LLCFC1: variants seen among roughly 807,000 people sequenced by gnomAD.
LLCFC1 encodes sperm-oocyte fusion factor 1.
LLCFC1 carries 14 observed loss-of-function variants against 9.8 expected under a neutral mutation model. That is an observed-to-expected ratio of 1.43 (90% CI 0.95 to 2.24). LLCFC1 has a LOEUF of 2.24. Ranked by LOEUF, LLCFC1 falls within the 30% of genes most tolerant of loss-of-function variation. The pLI, the probability that LLCFC1 is intolerant of heterozygous loss-of-function variation, is 0.00. For missense variants in LLCFC1, 162 were observed against 148.0 expected, an observed-to-expected ratio of 1.09 and a Z score of -0.49; for synonymous variants, 70 against 58.8, an observed-to-expected ratio of 1.19 and a Z score of -0.87.
chr7:142,940,324 C>T (rs1796313425), intron 1 of LLCFC1, 28 bp from the exon 2 acceptor site: 1 of 1,583,058 alleles, frequency 6.3e-7, no homozygotes, highest in African/African-American at 1.3e-5. Context: ...GGTCAGGGCT[C>T]AGTCCTTGTC....
Position 142,940,832 on chromosome 7 carries a change from C to T in LLCFC1, c.*245C>T, listed in dbSNP as rs1796330329. 1.7e-6 allele frequency: 1 copy of T among 595,512 alleles called. No individual in the cohort carries two copies. The highest frequency in any genetic ancestry group is 2.1e-5 in the South Asian group (1 of 48,316). The allele number at this position is 595,512 out of a possible 1,614,324, so 36.9% of individuals were successfully genotyped here. A position where few individuals can be genotyped will look rare whatever the true frequency, so the allele number is the denominator to read the frequency against. The stretch of plus-strand genomic sequence containing the variant: ...AGGACAGCAGATTAGAGGCAGGAGG[C>T]AATGACAATAAAATAACGATAAAAT... On this transcript the variant is annotated 3_prime_UTR_variant, in exon 2 of 2. Transcript: ENST00000409607.
chr7:142,940,106 GGTGTGTGTGTGT>G (rs782240164), intron 1 of LLCFC1, among the ~76,000 whole-genome samples: 12,018 of 128,880 alleles, frequency 0.093, 614 homozygotes, highest in Middle Eastern at 0.18. Context: ...CCTTAGGAAT[GGTGTGTGTGTGT>G]GTGTGTGTGT....
At position 142,939,774 on chromosome 7, in the gene LLCFC1, G is replaced by A. The variant is rs6943031; in HGVS notation, c.133+20G>A. ...CTGCAGGTAGGTGGAAAAAAAGACA[G>A]GAGCCATACAGAGAAAACACCCTCT... On this transcript the variant is annotated intron_variant, in intron 1 of 1. Coordinates refer to ENST00000409607, the MANE Select transcript of LLCFC1 (RefSeq NM_001382496.1). 37,839 of 1,593,552 alleles carry A rather than the reference G, an allele frequency of 0.024. 828 individuals are homozygous for A. Among genetic ancestry groups the A allele is most frequent in the African/African-American group, 0.12 (8,581 of 73,528 alleles).
At chr7:142,940,295 C>T in intron 1 of LLCFC1, 57 bp from the exon 2 acceptor site, 1 of 1,416,672 alleles carries the variant, frequency 7.1e-7, no homozygotes, top group Non-Finnish European at 1.0e-6. Context: ...TCTAACTTCT[C>T]CTTTCTGGTT....
Position 142,939,556 on chromosome 7 carries a change from G to C in LLCFC1, c.-66G>C. On this transcript the variant is annotated 5_prime_UTR_variant, in exon 1 of 2. Transcript: ENST00000409607. ...AAGGGCCAGGACAGGAATGGGGCAG[G>C]AGGTGCACGGATCCTGCTGGGCACT... is the stretch of plus-strand genomic sequence containing the variant. 6.4e-7 allele frequency: 1 copy of C among 1,568,510 alleles called. No individual in the cohort carries two copies. Among genetic ancestry groups the C allele is most frequent in the Non-Finnish European group, 8.6e-7 (1 of 1,157,236 alleles).
intron 1 of LLCFC1, among the ~76,000 whole-genome samples, 186 bp downstream of exon 1, chr7:142,939,940 G>A (rs1586240402): frequency 6.6e-6 from 1 of 152,136 alleles, no homozygotes; most frequent in Admixed American, 6.5e-5. Flanking sequence ...GCCACTGATG[G>A]TTATCATGTG....
rs1796300318 is a variant in LLCFC1 at position 142,939,846 on chromosome 7, A to AG, written c.133+94dup. 3 of 1,353,808 alleles carry AG rather than the reference A, an allele frequency of 2.2e-6. No homozygotes were observed. In the East Asian group the frequency reaches 7.0e-5, roughly 32 times the overall value. 83.9% of individuals were successfully genotyped at this position (1,353,808 alleles called of 1,614,324 possible). ...CGGGAGAGTCTGGAGGCTCAGGGTG[A>AG]GGTCTGTGTGAGGCCAGGCCCCAGG... On this transcript the variant is annotated intron_variant, in intron 1 of 1. Transcript: ENST00000409607.
intron 1 of LLCFC1, among the ~76,000 whole-genome samples, 154 bp downstream of exon 1, chr7:142,939,908 T>C (rs1489610671): frequency 6.6e-6 from 1 of 152,164 alleles, no homozygotes; most frequent in East Asian, 1.9e-4. Context: ...GACATAGGTC[T>C]GGTTTATGGG....
In LLCFC1 at chr7:142,940,716, T is replaced by C. The variant is rs534153663; in HGVS notation, c.*129T>C. ...GATACCAGTTGCCATCAGTGCTAAC[T>C]GACTGCCTCTCCAGGTTCGGAGTTT... On this transcript the variant is annotated 3_prime_UTR_variant, in exon 2 of 2. Transcript: ENST00000409607. The C allele has an allele frequency of 1.3e-6, 1 of 788,810 alleles. No individual in the cohort carries two copies. The highest frequency in any genetic ancestry group is 2.0e-6 in the Non-Finnish European group (1 of 488,366). The allele number at this position is 788,810 out of a possible 1,614,324, so 48.9% of individuals were successfully genotyped here.
chr7:142,940,560 C>T lies in LLCFC1; in HGVS notation c.342C>T (p.Ile114=), dbSNP rs1796322138. 6.2e-7 allele frequency: 1 copy of T among 1,614,096 alleles called. No homozygotes were observed. Among genetic ancestry groups the T allele is most frequent in the Non-Finnish European group, 8.5e-7 (1 of 1,180,032 alleles). The change falls in exon 2 of 2, where the codon ATC becomes ATT. Residue 114 remains isoleucine, a synonymous_variant. Coordinates refer to ENST00000409607, the MANE Select transcript of LLCFC1 (RefSeq NM_001382496.1). ...CATTGAGGCGGACATTCCCAAATAT[C>T]CAACTCTGCTTCATGCTCACTCACT... ...GGPLRRTFPN[I]QLCFMLTH
rs1228108217 is a variant in LLCFC1 at position 142,939,547 on chromosome 7, ATGGGGCAGGAGGTGCACGGATCCTGC to A, written c.-70_-45del. ...GAAAGGGTTAAGGGCCAGGACAGGA[ATGGGGCAGGAGGTGCACGGATCCTGC>A]TGGGCACTGGGAGCAGGGGGCGGCC... On this transcript the variant is annotated 5_prime_UTR_variant, in exon 1 of 2. Coordinates refer to ENST00000409607, the MANE Select transcript of LLCFC1 (RefSeq NM_001382496.1). 6.4e-7 allele frequency: 1 copy of A among 1,552,170 alleles called. No homozygotes were observed.
At position 142,939,566 on chromosome 7, in the gene LLCFC1, G is replaced by A. The variant is rs1426623198; in HGVS notation, c.-56G>A. On this transcript the variant is annotated 5_prime_UTR_variant, in exon 1 of 2. Transcript: ENST00000409607. ...ACAGGAATGGGGCAGGAGGTGCACGGATCCTGCTGGGCACTGGGAGCAGGG... is the reference window on the plus strand; with the variant it reads ...ACAGGAATGGGGCAGGAGGTGCACGAATCCTGCTGGGCACTGGGAGCAGGG... The A allele has an allele frequency of 1.3e-6, 2 of 1,577,196 alleles. No homozygotes were observed. Among genetic ancestry groups the A allele is most frequent in the Non-Finnish European group, 1.7e-6 (2 of 1,161,454 alleles).
intron 1 of LLCFC1, 134 bp from the exon 2 acceptor site, chr7:142,940,218 C>G: frequency 1.5e-6 from 1 of 678,684 alleles, no homozygotes; most frequent in South Asian, 1.9e-5. Flanking sequence ...AGCATCCCCT[C>G]TCTGGTGAAG....
Position 142,940,427 on chromosome 7 carries a change from C to G in LLCFC1, c.209C>G (p.Ala70Gly). The G allele has an allele frequency of 6.2e-7, 1 of 1,614,144 alleles. No individual in the cohort carries two copies. ...VGEMWQVVDM[A>G]QQEEDQSSKT... ...GAGATGTGGCAGGTGGTGGACATGGCCCAGCAGGAAGAAGACCAGTCGTCC... is the reference window on the plus strand; with the variant it reads ...GAGATGTGGCAGGTGGTGGACATGGGCCAGCAGGAAGAAGACCAGTCGTCC... The change falls in exon 2 of 2, where the codon GCC (alanine) becomes GGC (glycine). Residue 70 changes from alanine (A) to glycine (G), a missense_variant. Transcript: ENST00000409607.
Position 142,939,756 on chromosome 7 carries a change from T to C in LLCFC1, c.133+2T>C. 1 of 1,600,554 alleles carries C rather than the reference T, an allele frequency of 6.2e-7. No homozygotes were observed. Among genetic ancestry groups the C allele is most frequent in the Non-Finnish European group, 8.5e-7 (1 of 1,175,796 alleles). ...AGACAGAGAAAACGCCCTCTGCAGG[T>C]AGGTGGAAAAAAAGACAGGAGCCAT... On this transcript the variant is annotated splice_donor_variant, in intron 1 of 1. Coordinates refer to ENST00000409607, the MANE Select transcript of LLCFC1 (RefSeq NM_001382496.1). LOFTEE classifies it high-confidence loss of function.
chr7:142,939,864 GC>G, intron 1 of LLCFC1, 110 bp downstream of exon 1: 4 of 1,115,444 alleles, frequency 3.6e-6, no homozygotes, highest in Non-Finnish European at 3.8e-6. Context: ...GTGAGGCCAG[GC>G]CCCAGGTCAC....
Position 142,939,574 on chromosome 7 carries a change from T to C in LLCFC1, c.-48T>C, listed in dbSNP as rs1193856997. 5 of 1,586,972 alleles carry C rather than the reference T, an allele frequency of 3.2e-6. No individual in the cohort carries two copies. In the South Asian group the frequency reaches 4.6e-5, roughly 15 times the overall value. ...GGGGCAGGAGGTGCACGGATCCTGC[T>C]GGGCACTGGGAGCAGGGGGCGGCCA... On this transcript the variant is annotated 5_prime_UTR_variant, in exon 1 of 2. Transcript: ENST00000409607.
Position 142,939,494 on chromosome 7 carries a change from T to G in LLCFC1, c.-128T>G. 6.7e-7 allele frequency: 1 copy of G among 1,483,160 alleles called. No individual in the cohort carries two copies. The highest frequency in any genetic ancestry group is 9.0e-7 in the Non-Finnish European group (1 of 1,106,698). 91.9% of individuals were successfully genotyped at this position (1,483,160 alleles called of 1,614,324 possible). ...AGAACATGTGAAGTCAGAGGTCCTA[T>G]GGAAGGTGAGGGGAGAAAATGCCCC... is the stretch of plus-strand genomic sequence containing the variant. On this transcript the variant is annotated 5_prime_UTR_variant, in exon 1 of 2. It removes an upstream start codon present in the reference 5' UTR. Coordinates refer to ENST00000409607, the MANE Select transcript of LLCFC1 (RefSeq NM_001382496.1).
Position 142,940,441 on chromosome 7 carries a change from G to C in LLCFC1, c.223G>C (p.Asp75His). 1.2e-6 allele frequency: 2 copies of C among 1,614,060 alleles called. No individual in the cohort carries two copies. Among genetic ancestry groups the C allele is most frequent in the Non-Finnish European group, 1.7e-6 (2 of 1,180,014 alleles). Residue 75 changes from aspartate (D) to histidine (H), a missense_variant, in exon 2 of 2, where the codon GAC becomes CAC. Physicochemically the swap from Asp to His is moderately conservative, Grantham distance 81. Transcript: ENST00000409607. The stretch of plus-strand genomic sequence containing the variant: ...GGTGGACATGGCCCAGCAGGAAGAA[G>C]ACCAGTCGTCCAAGACGGCAGCTGT... Reference protein sequence around the residue: ...QVVDMAQQEEDQSSKTAAVHK... With the variant: ...QVVDMAQQEEHQSSKTAAVHK...
Sources: allele counts gnomAD v4.1 joint callset (sites outside exome capture counted in the v4.1 genomes callset), GRCh38; gene constraint gnomAD v4.1.1; transcripts MANE v1.5; gene names NCBI Gene and HGNC (gene_info 2026-07-23, HGNC 2026-07-21).